The following TMEM185A variants were observed in gnomAD, a reference collection of about 807,000 sequenced individuals.
TMEM185A encodes the protein family with sequence similarity 11, member A.
TMEM185A carries 9 observed loss-of-function variants against 25.0 expected under a neutral mutation model. The ratio of observed to expected loss-of-function variants is 0.36; its 90% CI spans 0.22 to 0.63. The LOEUF is 0.63. TMEM185A is among the 20% of genes least tolerant of loss of function. TMEM185A has a pLI of 0.68. For synonymous variants in TMEM185A, 45 were observed against 93.5 expected, an observed-to-expected ratio of 0.48 and a Z score of 2.99; for missense variants, 103 against 237.4, an observed-to-expected ratio of 0.43 and a Z score of 3.72.
In TMEM185A at chrX:149,608,615, A is replaced by G. The variant is rs2090065112; in HGVS notation, c.423+12T>C. The stretch of plus-strand genomic sequence containing the variant: ...CAAAGTGGAAAACATTCTTAAATAT[A>G]TGAAATCTCACCTCTAGTGACCTGT... On this transcript the variant is annotated intron_variant, in intron 3 of 6. Coordinates refer to ENST00000600449, the MANE Select transcript of TMEM185A (RefSeq NM_032508.4). The G allele has an allele frequency of 8.3e-7, 1 of 1,208,867 alleles. No individual in the cohort carries two copies. Among genetic ancestry groups the G allele is most frequent in the Admixed American group, 2.2e-5 (1 of 45,939 alleles).
At chrX:149,627,011 G>A (rs782300234) in intron 1 of TMEM185A, among the ~76,000 whole-genome samples, 2 of 111,941 alleles carry the variant, frequency 1.8e-5, no homozygotes, top group Non-Finnish European at 3.8e-5. Flanking sequence ...GGATGAGCAG[G>A]AGACAGAAGC....
chrX:149,604,219 T>C (rs1303102156), intron 3 of TMEM185A, 149 bp from the exon 4 acceptor site: 1 of 427,893 alleles, frequency 2.3e-6, no homozygotes, highest in Non-Finnish European at 4.0e-6. Flanking sequence ...TGATTTTCGG[T>C]ACCAGAGGGG....
At chrX:149,628,496 T>C (rs1447912930) in intron 1 of TMEM185A, among the ~76,000 whole-genome samples, 1 of 112,304 alleles carries the variant, frequency 8.9e-6, no homozygotes, top group East Asian at 2.8e-4. Flanking sequence ...ACCAGTTCAG[T>C]GCCAGATGGA....
intron 1 of TMEM185A, among the ~76,000 whole-genome samples, chrX:149,619,448 TTG>T (rs1169804666): frequency 4.5e-5 from 5 of 111,070 alleles, no homozygotes; most frequent in Admixed American, 3.8e-4. Flanking sequence ...CTTTCTTTTT[TTG>T]TGTGTGTGAT....
intron 2 of TMEM185A, among the ~76,000 whole-genome samples, chrX:149,610,171 C>T (rs1259682024): frequency 1.8e-5 from 2 of 110,464 alleles, no homozygotes; most frequent in African/African-American, 6.6e-5. Context: ...TGGCTCACAC[C>T]TGTAATCCCA....
intron 1 of TMEM185A, 49 bp downstream of exon 1, chrX:149,631,494 C>T (rs782439991): frequency 1.8e-6 from 2 of 1,138,324 alleles, no homozygotes; most frequent in Non-Finnish European, 2.3e-6. Context: ...CCAGCCCGCG[C>T]CCGAGCCCGC....
intron 3 of TMEM185A, among the ~76,000 whole-genome samples, chrX:149,604,614 C>G (rs188333318): frequency 9.9e-5 from 11 of 110,805 alleles, no homozygotes; most frequent in Middle Eastern, 4.7e-3. Flanking sequence ...ACAAAAGCCC[C>G]GAAACCAGAT....
chrX:149,618,810 C>T (rs782730829), intron 1 of TMEM185A, among the ~76,000 whole-genome samples: 4 of 111,576 alleles, frequency 3.6e-5, no homozygotes, highest in African/African-American at 6.5e-5. Flanking sequence ...GTGAGAGTAG[C>T]GACACTGTTT....
At chrX:149,622,784 C>T (rs1235180366) in intron 1 of TMEM185A, among the ~76,000 whole-genome samples, 1 of 111,799 alleles carries the variant, frequency 8.9e-6, no homozygotes, top group Non-Finnish European at 1.9e-5. Context: ...GATTAATTTC[C>T]CTGAGAGAGA....
intron 1 of TMEM185A, among the ~76,000 whole-genome samples, chrX:149,626,570 G>A (rs906363229): frequency 5.4e-5 from 6 of 112,101 alleles, no homozygotes; most frequent in Non-Finnish European, 1.1e-4. Context: ...CAGGTGGGAC[G>A]AGACTGAGAA....
chrX:149,629,589 A>C (rs1465669414), intron 1 of TMEM185A, among the ~76,000 whole-genome samples: 1 of 112,691 alleles, frequency 8.9e-6, no homozygotes, highest in Non-Finnish European at 1.9e-5. Context: ...ACAGTATAAA[A>C]GACCTTTAAA....
At chrX:149,625,325 C>T (rs1362625304) in intron 1 of TMEM185A, among the ~76,000 whole-genome samples, 2 of 112,305 alleles carry the variant, frequency 1.8e-5, no homozygotes, top group Non-Finnish European at 3.8e-5. Flanking sequence ...TCATTCAGCA[C>T]GTAATTCAGC....
At chrX:149,628,811 G>A (rs1668925544) in intron 1 of TMEM185A, among the ~76,000 whole-genome samples, 1 of 112,470 alleles carries the variant, frequency 8.9e-6, no homozygotes, top group Non-Finnish European at 1.9e-5. Flanking sequence ...GGTGGGAAGA[G>A]TGTGAGAAGA....
At chrX:149,626,957 C>T (rs782574990) in intron 1 of TMEM185A, among the ~76,000 whole-genome samples, 1 of 112,204 alleles carries the variant, frequency 8.9e-6, no homozygotes, top group African/African-American at 3.2e-5. Context: ...CAGAATAGAA[C>T]GAATGGGAAT....
chrX:149,608,917 T>C, intron 2 of TMEM185A, 83 bp from the exon 3 acceptor site: 1 of 825,547 alleles, frequency 1.2e-6, no homozygotes. Context: ...TACCAACTTA[T>C]ATTTATACTT....
chrX:149,612,604 G>T (rs1277812940), intron 1 of TMEM185A, among the ~76,000 whole-genome samples: 1 of 112,483 alleles, frequency 8.9e-6, no homozygotes, highest in Non-Finnish European at 1.9e-5. Context: ...AAACTTAGCA[G>T]CTTAAAACAA....
chrX:149,604,164 T>C, intron 3 of TMEM185A, 94 bp from the exon 4 acceptor site: 1 of 552,764 alleles, frequency 1.8e-6, no homozygotes, highest in Non-Finnish European at 3.0e-6. Context: ...ATACACATTA[T>C]AATACAGTGT....
intron 1 of TMEM185A, among the ~76,000 whole-genome samples, chrX:149,624,553 G>A (rs368777604): frequency 9.0e-6 from 1 of 111,351 alleles, no homozygotes; most frequent in Admixed American, 9.5e-5. Context: ...CTGCATGCAC[G>A]TACACACGCA....
chrX:149,629,196 G>C (rs1011925758), intron 1 of TMEM185A, among the ~76,000 whole-genome samples: 1 of 111,713 alleles, frequency 9.0e-6, no homozygotes, highest in Admixed American at 9.5e-5. Flanking sequence ...AGTTCACTAG[G>C]TCTGGAGGAG....
Sources: gnomAD v4.1 joint callset for allele counts (sites outside exome capture counted in the v4.1 genomes callset) on GRCh38, gnomAD v4.1.1 for gene constraint, MANE v1.5 for transcripts, NCBI Gene and HGNC (gene_info 2026-07-23, HGNC 2026-07-21) for gene names.